The following PTPRQ variants were observed in gnomAD, a reference collection of about 807,000 sequenced individuals.
PTPRQ encodes the protein phosphatidylinositol phosphatase PTPRQ.
In PTPRQ, 199 loss-of-function variants were observed where a neutral mutation model predicts 246.0. That is an observed-to-expected ratio of 0.81 (90% CI 0.72 to 0.91). PTPRQ has a LOEUF of 0.91. Among genes scored for constraint, PTPRQ ranks in the 40% least tolerant of loss-of-function variants. The pLI, the probability that PTPRQ is intolerant of heterozygous loss-of-function variation, is 0.00. For synonymous variants in PTPRQ, 869 were observed against 853.2 expected, an observed-to-expected ratio of 1.02 and a Z score of -0.32; for missense variants, 2,624 against 2,528.4, an observed-to-expected ratio of 1.04 and a Z score of -0.81.
chr12:80,470,720 A>AG (rs1347472066), intron 7 of PTPRQ, among the ~76,000 whole-genome samples: 3 of 152,280 alleles, frequency 2.0e-5, no homozygotes, highest in East Asian at 1.9e-4. Flanking sequence ...TCAAGTGGTG[A>AG]GGGGCCAAAT....
chr12:80,498,895 T>C (rs1425426962), intron 14 of PTPRQ, among the ~76,000 whole-genome samples: 1 of 152,128 alleles, frequency 6.6e-6, no homozygotes, highest in African/African-American at 2.4e-5. Flanking sequence ...TTACTTAGTA[T>C]TGAAAATGTA....
intron 26 of PTPRQ, among the ~76,000 whole-genome samples, chr12:80,599,508 C>CACCA (rs1452537919): frequency 1.3e-5 from 2 of 151,858 alleles, no homozygotes; most frequent in Admixed American, 6.6e-5. Context: ...ATACTTTTGC[C>CACCA]ACCATCAGCT....
intron 8 of PTPRQ, among the ~76,000 whole-genome samples, chr12:80,479,205 G>A (rs1893938494): frequency 6.7e-6 from 1 of 150,290 alleles, no homozygotes; most frequent in African/African-American, 2.4e-5. Context: ...AGCCAGAAGA[G>A]AGTGGGGGCC....
In PTPRQ at chr12:80,468,943, C is replaced by T. The variant is rs11614073; in HGVS notation, c.1039+105C>T. ...AGTATCAGACTCTTTTTAAAAGACTCTAAGATTGAAGCAAACAATAGGAAA... is the reference window on the plus strand; with the variant it reads ...AGTATCAGACTCTTTTTAAAAGACTTTAAGATTGAAGCAAACAATAGGAAA... On this transcript the variant is annotated intron_variant, in intron 7 of 44. Coordinates refer to ENST00000644991, the MANE Select transcript of PTPRQ (RefSeq NM_001145026.2). The T allele has an allele frequency of 0.096, 136,602 of 1,426,370 alleles. 7,244 individuals are homozygous for T. The highest frequency in any genetic ancestry group is 0.15 in the Admixed American group (4,588 of 31,154). 88.4% of individuals were successfully genotyped at this position (1,426,370 alleles called of 1,614,324 possible). A position where few individuals can be genotyped will look rare whatever the true frequency, so the allele number is the denominator to read the frequency against.
At position 80,521,519 on chromosome 12, in the gene PTPRQ, C is replaced by T. The variant is rs998650724; in HGVS notation, c.2678+11076C>T. ...AGGTCTGACATTTAAGTCTTTAATC[C>T]ATCTTGAATTAATTTTTGTGTAAGT... On this transcript the variant is annotated intron_variant, in intron 17 of 44. Transcript: ENST00000644991. Among the ~76,000 whole-genome samples, 125 of 152,052 alleles carry T rather than the reference C, an allele frequency of 8.2e-4. 1 individual carries two copies. Among genetic ancestry groups the T allele is most frequent in the Non-Finnish European group, 7.1e-4 (48 of 68,022 alleles).
At position 80,640,576 on chromosome 12, in the gene PTPRQ, T is replaced by C. The variant is rs553494452; in HGVS notation, c.5915+5503T>C. Among the ~76,000 whole-genome samples, 3 of 152,330 alleles carry C rather than the reference T, an allele frequency of 2.0e-5. No homozygotes were observed. The Middle Eastern group carries it at 0.01, about 518-fold the overall frequency. ...TAAATAATGAATCTTTACTTGCAGA[T>C]ACTCTTCATTTTTCTTTAGACGCAA... On this transcript the variant is annotated intron_variant, in intron 35 of 44. Transcript: ENST00000644991.
intron 26 of PTPRQ, among the ~76,000 whole-genome samples, chr12:80,596,482 A>G (rs915634690): frequency 6.6e-6 from 1 of 151,928 alleles, no homozygotes; most frequent in Non-Finnish European, 1.5e-5. Flanking sequence ...AAAGGGGAGG[A>G]AATTTTCTCC....
At chr12:80,495,767 A>T (rs1334965727) in intron 12 of PTPRQ, among the ~76,000 whole-genome samples, 1 of 152,000 alleles carries the variant, frequency 6.6e-6, no homozygotes, top group African/African-American at 2.4e-5. Context: ...GTGTGCCAAA[A>T]AGTTACTTTT....
chr12:80,530,738 G>A (rs1316625091), intron 17 of PTPRQ, among the ~76,000 whole-genome samples: 1 of 152,042 alleles, frequency 6.6e-6, no homozygotes, highest in Non-Finnish European at 1.5e-5. Flanking sequence ...AATATCCAGA[G>A]ATTTATGTGA....
Position 80,568,196 on chromosome 12 carries a change from G to A in PTPRQ, c.4285+18462G>A, listed in dbSNP as rs571201194. On this transcript the variant is annotated intron_variant, in intron 25 of 44. Coordinates refer to ENST00000644991, the MANE Select transcript of PTPRQ (RefSeq NM_001145026.2). ...AAAACTTCAAGTGTCAATTATAAAT[G>A]TATGTGAAAACAAAAAATTATTTAG... Among the ~76,000 whole-genome samples, 19 of 152,226 alleles carry A rather than the reference G, an allele frequency of 1.2e-4. No homozygotes were observed. In the South Asian group the frequency reaches 3.7e-3, roughly 30 times the overall value.
At position 80,679,487 on chromosome 12, in the gene PTPRQ, C is replaced by T. The variant is rs1901250567; in HGVS notation, c.*464C>T. ...AATGATCTGTACTTCCATGTACACC[C>T]CTGTGTTTTGAATCCTCTGTTTTAT... On this transcript the variant is annotated 3_prime_UTR_variant, in exon 45 of 45. Transcript: ENST00000644991. The T allele has an allele frequency of 6.5e-6, 1 of 152,726 alleles. No homozygotes were observed. The highest frequency in any genetic ancestry group is 1.5e-5 in the Non-Finnish European group (1 of 68,556). 9.5% of individuals were successfully genotyped at this position (152,726 alleles called of 1,614,324 possible). A position where few individuals can be genotyped will look rare whatever the true frequency, so the allele number is the denominator to read the frequency against.
chr12:80,450,824 T>C (rs951708942), intron 3 of PTPRQ, among the ~76,000 whole-genome samples: 3 of 152,212 alleles, frequency 2.0e-5, no homozygotes, highest in Non-Finnish European at 4.4e-5. Flanking sequence ...ATCAAGGATA[T>C]TGGTCTAAAA....
chr12:80,468,955 C>A, intron 7 of PTPRQ, 117 bp downstream of exon 7: 1 of 1,362,038 alleles, frequency 7.3e-7, no homozygotes, highest in Non-Finnish European at 9.7e-7. Flanking sequence ...AAGATTGAAG[C>A]AAACAATAGG....
At chr12:80,545,762 T>TTTA (rs947561563) in intron 23 of PTPRQ, among the ~76,000 whole-genome samples, 70 of 147,640 alleles carry the variant, frequency 4.7e-4, no homozygotes, top group African/African-American at 1.6e-3. Flanking sequence ...ATAATAATAA[T>TTTA]TTATTATTAT....
intron 8 of PTPRQ, among the ~76,000 whole-genome samples, chr12:80,476,196 G>A (rs1396828108): frequency 6.6e-6 from 1 of 152,036 alleles, no homozygotes; most frequent in African/African-American, 2.4e-5. Context: ...TGGAATAGGA[G>A]CTTTGCTATT....
At chr12:80,674,139 A>G (rs1565853558) in intron 43 of PTPRQ, among the ~76,000 whole-genome samples, 1 of 152,096 alleles carries the variant, frequency 6.6e-6, no homozygotes, top group African/African-American at 2.4e-5. Flanking sequence ...TAACTACAAT[A>G]TACACAATAT....
Position 80,649,575 on chromosome 12 carries a change from TC to T in PTPRQ, c.5943-12del. On this transcript the variant is annotated splice_polypyrimidine_tract_variant and intron_variant, in intron 36 of 44. Coordinates refer to ENST00000644991, the MANE Select transcript of PTPRQ (RefSeq NM_001145026.2). ...CTAACATGACCCTATTTTATACCTT[TC>T]TTTACTTGGAGGCCAATAAGCAAGA... 1 of 1,549,952 alleles carries T rather than the reference TC, an allele frequency of 6.5e-7. No homozygotes were observed. The highest frequency in any genetic ancestry group is 8.7e-7 in the Non-Finnish European group (1 of 1,145,844).
intron 33 of PTPRQ, among the ~76,000 whole-genome samples, chr12:80,624,829 A>G (rs1375688215): frequency 6.6e-6 from 1 of 152,190 alleles, no homozygotes; most frequent in African/African-American, 2.4e-5. Flanking sequence ...TCTAGGCCAC[A>G]TTGGAATAAG....
At chr12:80,641,065 T>C (rs1265230428) in intron 35 of PTPRQ, among the ~76,000 whole-genome samples, 6 of 152,186 alleles carry the variant, frequency 3.9e-5, no homozygotes, top group Admixed American at 3.9e-4. Context: ...GACAATGACA[T>C]TTCTTGTTCC....
Sources: allele counts gnomAD v4.1 joint callset (sites outside exome capture counted in the v4.1 genomes callset), GRCh38; gene constraint gnomAD v4.1.1; transcripts MANE v1.5; gene names NCBI Gene and HGNC (gene_info 2026-07-23, HGNC 2026-07-21).